Variants in DAB1 observed in about 807,000 individuals in gnomAD.
DAB1 encodes the protein DAB adaptor protein 1, also known as disabled homolog 1.
Under a neutral mutation model 64.6 loss-of-function variants are expected in DAB1, and 15 were observed. The ratio of observed to expected loss-of-function variants is 0.23; its 90% confidence interval spans 0.16 to 0.36. The LOEUF (loss-of-function observed/expected upper bound fraction) is 0.36, where lower values mean the gene tolerates loss of function less well. Ranked by LOEUF, DAB1 falls within the 10% of genes least tolerant of loss-of-function variation. The pLI is 1.00. For missense variants in DAB1, 596 were observed against 706.7 expected (o/e 0.84, Z 1.78); for synonymous variants, 235 against 251.9 (o/e 0.93, Z 0.64).
At chr1:57,099,188 A>C (rs1654447071) in intron 4 of DAB1, among the ~76,000 whole-genome samples, 1 of 152,222 alleles carries the variant, frequency 6.6e-6, no homozygotes, top group Non-Finnish European at 1.5e-5. Context: ...CAGACAAGGA[A>C]AAACAAACAC....
At chr1:57,325,339 C>T (rs984736651) in intron 1 of DAB1, among the ~76,000 whole-genome samples, 15 of 152,214 alleles carry the variant, frequency 9.9e-5, no homozygotes, top group Admixed American at 7.9e-4. Flanking sequence ...GCATGCTTTA[C>T]ACAATGGGGC....
intron 2 of DAB1, among the ~76,000 whole-genome samples, chr1:57,261,733 G>C (rs1670198030): frequency 6.6e-6 from 1 of 152,142 alleles, no homozygotes; most frequent in African/African-American, 2.4e-5. Flanking sequence ...AGTGACTTTG[G>C]ACAAGTCACT....
intron 1 of DAB1, chr1:58,533,823 T>A: frequency 1.5e-6 from 1 of 662,498 alleles, no homozygotes; most frequent in Non-Finnish European, 2.7e-6. Context: ...GGTAGCAGAT[T>A]AAGGCAATTA....
intron 3 of DAB1, among the ~76,000 whole-genome samples, chr1:58,347,792 G>C (rs1195362837): frequency 7.2e-6 from 1 of 139,346 alleles, no homozygotes; most frequent in Non-Finnish European, 1.6e-5. Flanking sequence ...TGGAAGAAGG[G>C]AGGGAAAGAG....
At chr1:57,967,705 G>C (rs572548963) in intron 5 of DAB1, among the ~76,000 whole-genome samples, 1 of 151,760 alleles carries the variant, frequency 6.6e-6, no homozygotes, top group Admixed American at 6.6e-5. Flanking sequence ...CAGGGGGGTT[G>C]TGAGGACGAA....
At chr1:57,274,673 TG>T in intron 2 of DAB1, among the ~76,000 whole-genome samples, 1 of 152,250 alleles carries the variant, frequency 6.6e-6, no homozygotes, top group Middle Eastern at 3.4e-3. Context: ...CTCTGCCTCC[TG>T]GGCTCAAGCG....
At chr1:57,960,922 A>G (rs1645505950) in intron 5 of DAB1, among the ~76,000 whole-genome samples, 1 of 152,252 alleles carries the variant, frequency 6.6e-6, no homozygotes, top group Non-Finnish European at 1.5e-5. Context: ...AGAGGGACAG[A>G]ATCATATGAC....
intron 4 of DAB1, among the ~76,000 whole-genome samples, chr1:58,194,497 T>C (rs1303321754): frequency 6.6e-6 from 1 of 152,242 alleles, no homozygotes; most frequent in African/African-American, 2.4e-5. Context: ...AGCCTGTGGG[T>C]ATAAGGATGT....
chr1:58,102,859 C>G (rs955367529), intron 5 of DAB1, among the ~76,000 whole-genome samples: 10 of 152,170 alleles, frequency 6.6e-5, no homozygotes, highest in African/African-American at 2.4e-4. Context: ...TAGAATTTTA[C>G]AGTAACCTCA....
At chr1:58,009,982 T>C (rs1178254142) in intron 5 of DAB1, among the ~76,000 whole-genome samples, 1 of 152,176 alleles carries the variant, frequency 6.6e-6, no homozygotes, top group East Asian at 1.9e-4. Context: ...ATTATTATTT[T>C]CTCTATGTTC....
intron 6 of DAB1, among the ~76,000 whole-genome samples, chr1:57,703,682 CT>C (rs1398534828): frequency 2.0e-5 from 3 of 152,128 alleles, no homozygotes; most frequent in Non-Finnish European, 4.4e-5. Flanking sequence ...AATCCTATTA[CT>C]GGTATATACC....
intron 4 of DAB1, among the ~76,000 whole-genome samples, chr1:57,081,467 A>T (rs1313886942): frequency 3.9e-5 from 6 of 152,216 alleles, no homozygotes; most frequent in African/African-American, 1.4e-4. Context: ...AAGTCATCAG[A>T]AAAAGAAAAG....
At chr1:58,462,960 G>A (rs189546675) in intron 3 of DAB1, among the ~76,000 whole-genome samples, 4 of 152,204 alleles carry the variant, frequency 2.6e-5, no homozygotes, top group East Asian at 3.9e-4. Flanking sequence ...GTAAAATGGG[G>A]GTAGTTTATG....
intron 6 of DAB1, among the ~76,000 whole-genome samples, chr1:57,788,911 A>C (rs1318344969): frequency 6.6e-6 from 1 of 152,140 alleles, no homozygotes; most frequent in East Asian, 1.9e-4. Flanking sequence ...GAGGTCAGAC[A>C]TTTCCCTTAG....
At chr1:57,156,604 AC>A (rs1463900876) in intron 2 of DAB1, among the ~76,000 whole-genome samples, 2 of 151,648 alleles carry the variant, frequency 1.3e-5, no homozygotes, top group African/African-American at 4.9e-5. Flanking sequence ...GTTATTAAAA[AC>A]CCCTCCCATA....
intron 1 of DAB1, among the ~76,000 whole-genome samples, chr1:57,301,193 T>C (rs920724428): frequency 6.6e-6 from 1 of 152,146 alleles, no homozygotes; most frequent in Non-Finnish European, 1.5e-5. Flanking sequence ...ACACATTTCC[T>C]AAACACTGAC....
chr1:57,278,205 G>T (rs1671621356), intron 2 of DAB1, among the ~76,000 whole-genome samples: 2 of 152,042 alleles, frequency 1.3e-5, no homozygotes, highest in Admixed American at 1.3e-4. Context: ...TTACACGATG[G>T]GTGACATTGA....
intron 4 of DAB1, among the ~76,000 whole-genome samples, chr1:57,125,878 G>A (rs1013029482): frequency 6.6e-6 from 1 of 152,062 alleles, no homozygotes; most frequent in Non-Finnish European, 1.5e-5. Context: ...AGCAATCAAA[G>A]GCTTATAGGC....
chr1:58,270,236 A>C (rs1400349715), intron 4 of DAB1, among the ~76,000 whole-genome samples: 8 of 110,136 alleles, frequency 7.3e-5, no homozygotes, highest in Non-Finnish European at 1.5e-4. Flanking sequence ...TCAGCTTTCT[A>C]CATATGGCTA....
Sources: allele counts gnomAD v4.1 joint callset (sites outside exome capture counted in the v4.1 genomes callset), GRCh38; gene constraint gnomAD v4.1.1; transcripts MANE v1.5; gene names NCBI Gene and HGNC (gene_info 2026-07-23, HGNC 2026-07-21).